RNF17: variants seen among roughly 807,000 people sequenced by gnomAD.
RNF17 encodes ring finger protein 17.
In RNF17, 31 loss-of-function variants were observed where a neutral mutation model predicts 200.5. The observed-to-expected ratio is 0.15, with a 90% CI of 0.12 to 0.21. RNF17 has a LOEUF of 0.21. RNF17 is among the 10% of genes least tolerant of loss of function. The probability of loss-of-function intolerance (pLI) is 1.00; values close to 1 mark genes in which losing one functional copy is unlikely to be tolerated. For missense variants in RNF17, 1,628 were observed against 1,905.1 expected, an observed-to-expected ratio of 0.85 and a Z score of 2.71; for synonymous variants, 606 against 637.8, an observed-to-expected ratio of 0.95 and a Z score of 0.75.
chr13:24,865,571 T>A (rs1040308523), intron 29 of RNF17, among the ~76,000 whole-genome samples: 15 of 152,228 alleles, frequency 9.9e-5, no homozygotes, highest in Admixed American at 2.0e-4. Flanking sequence ...TCATTATATT[T>A]TATATCACAA....
intron 15 of RNF17, among the ~76,000 whole-genome samples, chr13:24,805,242 A>T (rs1266671358): frequency 1.3e-5 from 2 of 152,294 alleles, no homozygotes; most frequent in East Asian, 3.9e-4. Context: ...AGTTTTTAAT[A>T]ATTGTTCAGT....
chr13:24,752,968 C>T, the RNF17 span, among the ~76,000 whole-genome samples: 1 of 152,158 alleles, frequency 6.6e-6, no homozygotes, highest in African/African-American at 2.4e-5. Flanking sequence ...TCATGCTACT[C>T]CCCCTCGCCC....
chr13:24,829,951 A>G (rs1889204622), intron 16 of RNF17, among the ~76,000 whole-genome samples: 1 of 152,088 alleles, frequency 6.6e-6, no homozygotes, highest in South Asian at 2.1e-4. Flanking sequence ...ACCTATGTTG[A>G]CTCACAGTAA....
At chr13:24,838,314 C>A (rs1890229181) in intron 18 of RNF17, among the ~76,000 whole-genome samples, 1 of 152,030 alleles carries the variant, frequency 6.6e-6, no homozygotes, top group African/African-American at 2.4e-5. Flanking sequence ...AAAGAAGGAA[C>A]CCTCCCTAAT....
At chr13:24,858,093 C>T (rs1430618642) in intron 25 of RNF17, among the ~76,000 whole-genome samples, 2 of 152,046 alleles carry the variant, frequency 1.3e-5, no homozygotes, top group South Asian at 2.1e-4. Context: ...CTCTAGCACT[C>T]ATAGGGCTTA....
chr13:24,821,255 T>G (rs1427163294), intron 15 of RNF17, among the ~76,000 whole-genome samples: 1 of 152,182 alleles, frequency 6.6e-6, no homozygotes, highest in Non-Finnish European at 1.5e-5. Flanking sequence ...CCTAATGACC[T>G]CATTTTAACA....
chr13:24,882,482 A>G (rs966434638), downstream of RNF17: 3 of 132,614 alleles, frequency 2.3e-5, no homozygotes, highest in African/African-American at 7.6e-5. Flanking sequence ...GGCTACAGTA[A>G]TCTCACTGTG....
At chr13:24,823,371 C>G (rs1888287756) in intron 15 of RNF17, among the ~76,000 whole-genome samples, 1 of 152,096 alleles carries the variant, frequency 6.6e-6, no homozygotes, top group Admixed American at 6.5e-5. Flanking sequence ...CACGCCCGGC[C>G]AAGAGAGTTG....
intron 15 of RNF17, 147 bp from the exon 16 acceptor site, chr13:24,825,471 TA>T: frequency 1.6e-6 from 1 of 622,344 alleles, no homozygotes; most frequent in Non-Finnish European, 2.7e-6. Context: ...TAAAATTTTG[TA>T]AAATAAATTA....
the RNF17 span, among the ~76,000 whole-genome samples, chr13:24,757,321 C>CTTT: frequency 2.1e-5 from 3 of 141,742 alleles, no homozygotes; most frequent in Non-Finnish European, 4.6e-5. Flanking sequence ...GGACAATATT[C>CTTT]TTTTTTTTTT....
intron 11 of RNF17, among the ~76,000 whole-genome samples, chr13:24,796,698 T>C (rs1345784721): frequency 1.3e-5 from 2 of 152,210 alleles, no homozygotes; most frequent in African/African-American, 2.4e-5. Flanking sequence ...TCAGGAGGCC[T>C]GTGGCACCCA....
At chr13:24,763,680 A>G (rs1412348518), upstream of RNF17, among the ~76,000 whole-genome samples, 3 of 152,068 alleles carry the variant, frequency 2.0e-5, no homozygotes, top group African/African-American at 7.2e-5. Flanking sequence ...TGCCTTGTAT[A>G]TTATTAGGCT....
intron 6 of RNF17, among the ~76,000 whole-genome samples, chr13:24,785,943 A>G (rs545799109): frequency 3.7e-4 from 56 of 152,202 alleles, no homozygotes; most frequent in Non-Finnish European, 6.6e-4. Flanking sequence ...GTGGCAGCAT[A>G]TAGTTGGGTC....
chr13:24,811,195 C>A (rs1219256775), intron 15 of RNF17, among the ~76,000 whole-genome samples: 3 of 150,834 alleles, frequency 2.0e-5, no homozygotes, highest in Non-Finnish European at 4.4e-5. Context: ...GCCTGCCTTG[C>A]TAGATTGGGG....
intron 28 of RNF17, among the ~76,000 whole-genome samples, chr13:24,863,076 A>G (rs2138334293): frequency 6.6e-6 from 1 of 152,316 alleles, no homozygotes; most frequent in African/African-American, 2.4e-5. Context: ...ATTGTTGGAC[A>G]TGTTTATAAT....
intron 15 of RNF17, among the ~76,000 whole-genome samples, chr13:24,813,699 T>C (rs1209794564): frequency 6.6e-6 from 1 of 151,878 alleles, no homozygotes; most frequent in Non-Finnish European, 1.5e-5. Context: ...GGCAAGATCA[T>C]AGCTTACTGC....
At chr13:24,783,570 A>G (rs971623166) in intron 6 of RNF17, among the ~76,000 whole-genome samples, 3 of 152,170 alleles carry the variant, frequency 2.0e-5, no homozygotes, top group Admixed American at 6.5e-5. Context: ...GCAATTTCAT[A>G]TACAAGTCTT....
chr13:24,812,696 T>A (rs1414360787), intron 15 of RNF17, among the ~76,000 whole-genome samples: 1 of 119,024 alleles, frequency 8.4e-6, no homozygotes, highest in Non-Finnish European at 1.7e-5. Context: ...TTTTTTTTTT[T>A]TTTGAGACGC....
At chr13:24,806,723 G>A (rs1885895773) in intron 15 of RNF17, among the ~76,000 whole-genome samples, 2 of 151,502 alleles carry the variant, frequency 1.3e-5, no homozygotes, top group South Asian at 4.2e-4. Context: ...ATGTATACAT[G>A]TGCCATGCTG....
Sources: allele counts gnomAD v4.1 joint callset (sites outside exome capture counted in the v4.1 genomes callset), GRCh38; gene constraint gnomAD v4.1.1; transcripts MANE v1.5; gene names NCBI Gene and HGNC (gene_info 2026-07-23, HGNC 2026-07-21).